TRNT1: variants seen among roughly 807,000 people sequenced by gnomAD.
TRNT1 encodes CCA tRNA nucleotidyltransferase 1, mitochondrial.
TRNT1 carries 44 observed loss-of-function variants against 45.6 expected under a neutral mutation model. That is an observed-to-expected ratio of 0.97 (90% CI 0.76 to 1.24). The LOEUF is 1.24. Ranked by LOEUF, TRNT1 falls within the 50% of genes most tolerant of loss-of-function variation. The pLI, the probability that TRNT1 is intolerant of heterozygous loss-of-function variation, is 0.00. For synonymous variants in TRNT1, 201 were observed against 171.4 expected, an observed-to-expected ratio of 1.17 and a Z score of -1.35; for missense variants, 633 against 504.4, an observed-to-expected ratio of 1.25 and a Z score of -2.44.
At position 3,129,094 on chromosome 3, in the gene TRNT1, T is replaced by G. The variant is rs774300649; in HGVS notation, c.54T>G (p.Ser18Arg). The G allele has an allele frequency of 3.1e-6, 5 of 1,613,842 alleles. No homozygotes were observed. Among genetic ancestry groups the G allele is most frequent in the Non-Finnish European group, 4.2e-6 (5 of 1,179,748 alleles). Reference protein sequence around the residue: ...WHRPVLNRRWSRLCLPKQYLF... With the variant: ...WHRPVLNRRWRRLCLPKQYLF... Reference sequence around the variant, plus strand: ...GGCCAGTGCTGAACCGTAGGTGGAGTAGGCTGTGCCTTCCGAAGCAGTATC... The same window carrying G: ...GGCCAGTGCTGAACCGTAGGTGGAGGAGGCTGTGCCTTCCGAAGCAGTATC... The change falls in exon 2 of 8, where the codon AGT becomes AGG. Residue 18 changes from serine to arginine, a missense_variant. Coordinates refer to ENST00000251607, the MANE Select transcript of TRNT1 (RefSeq NM_182916.3).
chr3:3,140,720 G>C (rs763429290), intron 4 of TRNT1, 72 bp downstream of exon 4: 3 of 1,527,284 alleles, frequency 2.0e-6, no homozygotes, highest in Non-Finnish European at 2.7e-6. Context: ...CCTACATTCT[G>C]GAAATGTTCT....
Position 3,140,622 on chromosome 3 carries a change from A to C in TRNT1, c.455A>C (p.Asp152Ala), listed in dbSNP as rs755318517. The change falls in exon 4 of 8, where the codon GAT (aspartate) becomes GCT (alanine). Residue 152 changes from aspartate (D) to alanine (A), a missense_variant. By Grantham distance (126) the Asp-to-Ala change is moderately radical. Coordinates refer to ENST00000251607, the MANE Select transcript of TRNT1 (RefSeq NM_182916.3). Reference protein sequence around the residue: ...TDWQKDAERRDLTINSMFLGF... With the variant: ...TDWQKDAERRALTINSMFLGF... ...TGGCAGAAAGATGCGGAACGCAGAG[A>C]TCTCACTATAAATTCTATGTTTTTA... 6.2e-7 allele frequency: 1 copy of C among 1,614,156 alleles called. No individual in the cohort carries two copies. The highest frequency in any genetic ancestry group is 1.1e-5 in the South Asian group (1 of 91,078).
chr3:3,139,613 A>G (rs334763), intron 3 of TRNT1, among the ~76,000 whole-genome samples: 78,864 of 152,046 alleles, frequency 0.52, 22,410 homozygotes, highest in Middle Eastern at 0.7. Flanking sequence ...CTGCATGTAC[A>G]AACCCTGCTG....
chr3:3,136,569 A>C, intron 2 of TRNT1: 1 of 409,690 alleles, frequency 2.4e-6, no homozygotes, highest in Non-Finnish European at 4.8e-6. Context: ...GTAAACACAG[A>C]GAAATACAAG....
chr3:3,140,873 G>T, intron 4 of TRNT1: 1 of 409,102 alleles, frequency 2.4e-6, no homozygotes, highest in Non-Finnish European at 4.5e-6. Context: ...ATGGGGTCAG[G>T]AGATCGAGAC....
chr3:3,130,109 A>G (rs1704916477), intron 2 of TRNT1: 1 of 739,124 alleles, frequency 1.4e-6, no homozygotes, highest in Non-Finnish European at 2.2e-6. Context: ...AAGCAGCCAC[A>G]CAGTAGCATT....
At chr3:3,139,999 G>T (rs564619547) in intron 3 of TRNT1, among the ~76,000 whole-genome samples, 11 of 152,294 alleles carry the variant, frequency 7.2e-5, no homozygotes, top group African/African-American at 2.6e-4. Context: ...AAAGTGCTGG[G>T]ATTACAGGCA....
At chr3:3,131,308 C>T (rs1705003760) in intron 2 of TRNT1, 3 of 152,074 alleles carry the variant, frequency 2.0e-5, no homozygotes, top group Admixed American at 2.0e-4. Context: ...TTTTCAACTT[C>T]AATTGCAAGA....
At chr3:3,140,389 ACTATAACTGTCAGGG>A in intron 3 of TRNT1, 106 bp from the exon 4 acceptor site, 1 of 885,180 alleles carries the variant, frequency 1.1e-6, no homozygotes, top group Non-Finnish European at 1.7e-6. Flanking sequence ...CGTTAAAAAG[ACTATAACTGTCAGGG>A]CTTATAGTAC....
intron 6 of TRNT1, among the ~76,000 whole-genome samples, 176 bp from the exon 7 acceptor site, chr3:3,147,274 G>T (rs1300899513): frequency 6.6e-6 from 1 of 152,098 alleles, no homozygotes; most frequent in African/African-American, 2.4e-5. Context: ...AAGGTGACAG[G>T]GGAGAGAATA....
Position 3,129,091 on chromosome 3 carries a change from G to T in TRNT1, c.51G>T (p.Trp17Cys). 6.2e-7 allele frequency: 1 copy of T among 1,613,934 alleles called. No homozygotes were observed. Among genetic ancestry groups the T allele is most frequent in the Non-Finnish European group, 8.5e-7 (1 of 1,179,794 alleles). ...ACAGGCCAGTGCTGAACCGTAGGTG[G>T]AGTAGGCTGTGCCTTCCGAAGCAGT... ...HWHRPVLNRRWSRLCLPKQYL... is the reference protein window; with the variant it reads ...HWHRPVLNRRCSRLCLPKQYL... The change falls in exon 2 of 8, where the codon TGG becomes TGT. Residue 17 changes from tryptophan (W) to cysteine (C), a missense_variant. Trp to Cys is a radical substitution (Grantham distance 215). Transcript: ENST00000251607.
chr3:3,150,214 C>CAAAT (rs1470276304), downstream of TRNT1: 1 of 152,190 alleles, frequency 6.6e-6, no homozygotes, highest in Admixed American at 6.5e-5. Flanking sequence ...AGATACTGAG[C>CAAAT]AAATACACAA....
intron 2 of TRNT1, among the ~76,000 whole-genome samples, chr3:3,133,174 T>A (rs1705119994): frequency 6.6e-6 from 1 of 152,200 alleles, no homozygotes; most frequent in Non-Finnish European, 1.5e-5. Context: ...AGTGTATTAT[T>A]GTCATATCAT....
At chr3:3,152,732 T>G (rs1706666830), downstream of TRNT1, 6 of 1,010,854 alleles carry the variant, frequency 5.9e-6, no homozygotes, top group Non-Finnish European at 9.0e-6. Context: ...TACCAGGATC[T>G]TAGTATGAAA....
chr3:3,138,043 T>C (rs1406408277), intron 3 of TRNT1, among the ~76,000 whole-genome samples: 1 of 152,260 alleles, frequency 6.6e-6, no homozygotes, highest in South Asian at 2.1e-4. Flanking sequence ...AAACACATTA[T>C]ATCAAGTTTC....
At chr3:3,144,297 G>A (rs1705843517) in intron 4 of TRNT1, among the ~76,000 whole-genome samples, 1 of 152,012 alleles carries the variant, frequency 6.6e-6, no homozygotes, top group Non-Finnish European at 1.5e-5. Context: ...AGCTTGTATG[G>A]TGTCTTGTTG....
At chr3:3,137,972 T>C (rs1029069561) in intron 3 of TRNT1, among the ~76,000 whole-genome samples, 1 of 152,238 alleles carries the variant, frequency 6.6e-6, no homozygotes, top group South Asian at 2.1e-4. Flanking sequence ...AAGCTTTCCA[T>C]ATACTACCAA....
At chr3:3,151,640 G>C (rs1164701989), downstream of TRNT1, among the ~76,000 whole-genome samples, 8 of 152,014 alleles carry the variant, frequency 5.3e-5, no homozygotes, top group Non-Finnish European at 1.0e-4. Flanking sequence ...TTTATTTATA[G>C]TAACAAATGT....
downstream of TRNT1, chr3:3,149,745 A>G (rs927617673): frequency 4.6e-5 from 7 of 152,176 alleles, no homozygotes; most frequent in Non-Finnish European, 8.8e-5. Flanking sequence ...ATTTACATAA[A>G]TATGCAGTGT....
Sources: allele counts gnomAD v4.1 joint callset (sites outside exome capture counted in the v4.1 genomes callset), GRCh38; gene constraint gnomAD v4.1.1; transcripts MANE v1.5; gene names NCBI Gene and HGNC (gene_info 2026-07-23, HGNC 2026-07-21).